Variants in GABRB1 observed in about 807,000 individuals in gnomAD.
The protein encoded by GABRB1 is gamma-aminobutyric acid receptor subunit beta-1.
A neutral mutation model predicts 51.6 loss-of-function variants in GABRB1; 17 were observed. That is an observed-to-expected ratio of 0.33 (90% CI 0.23 to 0.49). The LOEUF is 0.49. GABRB1 is among the 20% of genes least tolerant of loss of function. The pLI is 0.99. For synonymous variants in GABRB1, 247 were observed against 218.9 expected, an observed-to-expected ratio of 1.13 and a Z score of -1.14; for missense variants, 410 against 600.6, an observed-to-expected ratio of 0.68 and a Z score of 3.32.
At chr4:47,322,194 G>T (rs1016471937) in intron 5 of GABRB1, among the ~76,000 whole-genome samples, 3 of 152,166 alleles carry the variant, frequency 2.0e-5, no homozygotes, top group African/African-American at 7.2e-5. Flanking sequence ...CAGATAATAG[G>T]TGGTGACCCA....
chr4:47,046,941 T>C (rs1303663862), intron 3 of GABRB1, among the ~76,000 whole-genome samples: 4 of 151,934 alleles, frequency 2.6e-5, no homozygotes, highest in Non-Finnish European at 5.9e-5. Context: ...AGCTAAACGA[T>C]GAAATACATG....
chr4:47,093,506 C>T (rs1714233186), intron 3 of GABRB1, among the ~76,000 whole-genome samples: 1 of 152,172 alleles, frequency 6.6e-6, no homozygotes, highest in Admixed American at 6.5e-5. Flanking sequence ...CTTGATACTT[C>T]CATTTGCCAG....
At chr4:47,118,643 A>AT (rs370782185) in intron 3 of GABRB1, among the ~76,000 whole-genome samples, 89 of 152,292 alleles carry the variant, frequency 5.8e-4, no homozygotes, top group Middle Eastern at 3.4e-3. Flanking sequence ...AATCTTTCTT[A>AT]TTAATCATAT....
intron 3 of GABRB1, among the ~76,000 whole-genome samples, chr4:47,116,188 A>G (rs1200077048): frequency 6.6e-6 from 1 of 152,188 alleles, no homozygotes; most frequent in Non-Finnish European, 1.5e-5. Context: ...TACTTAATGC[A>G]GTATTCATGG....
At chr4:47,144,997 G>C (rs1717096285) in intron 3 of GABRB1, among the ~76,000 whole-genome samples, 1 of 151,754 alleles carries the variant, frequency 6.6e-6, no homozygotes, top group South Asian at 2.1e-4. Context: ...GTGGGGATTG[G>C]GAAAGGCTTT....
chr4:47,363,622 C>A (rs1283091640), intron 5 of GABRB1, among the ~76,000 whole-genome samples: 2 of 152,086 alleles, frequency 1.3e-5, no homozygotes, highest in East Asian at 3.8e-4. Flanking sequence ...AGAATAGAAA[C>A]AGAATGGATT....
chr4:47,161,777 C>T (rs1344667793), intron 4 of GABRB1, among the ~76,000 whole-genome samples: 1 of 151,980 alleles, frequency 6.6e-6, no homozygotes, highest in Non-Finnish European at 1.5e-5. Flanking sequence ...TTTTGAGAAA[C>T]AGATGAAACC....
Position 47,411,502 on chromosome 4 carries a change from G to A in GABRB1, c.1080+4576G>A, listed in dbSNP as rs78615228. ...GTTGCCGGGAGTCAGTGATAGTGAG[G>A]AAGGATGTGGGATGGGTATGACTGA... On this transcript the variant is annotated intron_variant, in intron 8 of 8. Transcript: ENST00000295454. 4.0e-3 allele frequency among the ~76,000 whole-genome samples: 608 copies of A among 152,294 alleles called. 6 individuals are homozygous for A. Among genetic ancestry groups the A allele is most frequent in the African/African-American group, 0.012 (504 of 41,568 alleles).
intron 4 of GABRB1, among the ~76,000 whole-genome samples, chr4:47,280,629 C>G (rs1371737224): frequency 6.6e-6 from 1 of 151,466 alleles, no homozygotes; most frequent in Admixed American, 6.6e-5. Flanking sequence ...CTCACCATCC[C>G]CCAACACTAT....
intron 4 of GABRB1, among the ~76,000 whole-genome samples, chr4:47,272,670 T>A (rs1214548679): frequency 2.0e-5 from 3 of 152,190 alleles, no homozygotes; most frequent in Non-Finnish European, 4.4e-5. Flanking sequence ...TCTTATGTTT[T>A]AAGCATGTAA....
chr4:47,151,699 G>A (rs1273406517), intron 3 of GABRB1, among the ~76,000 whole-genome samples: 2 of 151,942 alleles, frequency 1.3e-5, no homozygotes, highest in African/African-American at 4.8e-5. Flanking sequence ...ATGAACCTCT[G>A]GAACTAAGGA....
chr4:47,086,228 C>A (rs183024243), intron 3 of GABRB1, among the ~76,000 whole-genome samples: 6 of 152,094 alleles, frequency 3.9e-5, no homozygotes, highest in South Asian at 2.1e-4. Context: ...CACATGTTTG[C>A]GGGTTCTTCG....
At chr4:47,328,772 A>T (rs1560335857) in intron 5 of GABRB1, among the ~76,000 whole-genome samples, 7 of 148,052 alleles carry the variant, frequency 4.7e-5, no homozygotes, top group East Asian at 2.1e-4. Context: ...TGTTGTGGGG[A>T]GGGGGGAGCG....
At chr4:47,183,635 C>G (rs961896384) in intron 4 of GABRB1, among the ~76,000 whole-genome samples, 3 of 151,690 alleles carry the variant, frequency 2.0e-5, no homozygotes, top group African/African-American at 7.3e-5. Flanking sequence ...TCTTTTCCTT[C>G]CCAATTGTTA....
intron 3 of GABRB1, among the ~76,000 whole-genome samples, chr4:47,060,834 CCATTTCTT>C (rs1726818979): frequency 6.6e-6 from 1 of 152,142 alleles, no homozygotes; most frequent in Non-Finnish European, 1.5e-5. Flanking sequence ...TTGACCTTCA[CCATTTCTT>C]CATTTCTTCA....
intron 5 of GABRB1, among the ~76,000 whole-genome samples, chr4:47,373,639 C>G (rs188044315): frequency 3.3e-5 from 5 of 152,262 alleles, no homozygotes; most frequent in Admixed American, 3.3e-4. Flanking sequence ...AAGGACAATA[C>G]CAACTTTGTG....
intron 5 of GABRB1, among the ~76,000 whole-genome samples, chr4:47,334,568 G>C (rs1401332367): frequency 6.6e-6 from 1 of 152,008 alleles, no homozygotes; most frequent in Non-Finnish European, 1.5e-5. Flanking sequence ...TAATATTTGG[G>C]CAAATATTTT....
At chr4:47,208,043 T>C (rs1220579949) in intron 4 of GABRB1, among the ~76,000 whole-genome samples, 1 of 152,064 alleles carries the variant, frequency 6.6e-6, no homozygotes, top group Non-Finnish European at 1.5e-5. Context: ...TCAGTGCTCA[T>C]AGCAGCATTA....
chr4:47,004,507 C>T (rs1724328057), intron 1 of GABRB1, among the ~76,000 whole-genome samples: 1 of 151,896 alleles, frequency 6.6e-6, no homozygotes, highest in Non-Finnish European at 1.5e-5. Flanking sequence ...TACAGGCATG[C>T]AATGCATAAT....
Sources: allele counts gnomAD v4.1 joint callset (sites outside exome capture counted in the v4.1 genomes callset), GRCh38; gene constraint gnomAD v4.1.1; transcripts MANE v1.5; gene names NCBI Gene and HGNC (gene_info 2026-07-23, HGNC 2026-07-21).